MEF2C: variants seen among roughly 807,000 people sequenced by gnomAD.
MEF2C encodes myocyte-specific enhancer factor 2C.
A neutral mutation model predicts 50.5 loss-of-function variants in MEF2C; 6 were observed. That is an observed-to-expected ratio of 0.12 (90% CI 0.07 to 0.23). The LOEUF (loss-of-function observed/expected upper bound fraction) is 0.23, where lower values mean the gene tolerates loss of function less well. Among genes scored for constraint, MEF2C ranks in the 10% least tolerant of loss-of-function variants. The probability of loss-of-function intolerance (pLI) is 1.00; values close to 1 mark genes in which losing one functional copy is unlikely to be tolerated. For missense variants in MEF2C, 276 were observed against 605.0 expected (o/e 0.46, Z 5.70); for synonymous variants, 183 against 228.0 (o/e 0.80, Z 1.78).
intron 3 of MEF2C, among the ~76,000 whole-genome samples, chr5:88,778,857 G>T (rs750877488): frequency 6.6e-5 from 10 of 152,232 alleles, no homozygotes; most frequent in Non-Finnish European, 1.5e-4. Context: ...CTTGGGTTTT[G>T]CATCTTGCCA....
chr5:88,785,276 GCATACACACACACA>G (rs1187598498), intron 3 of MEF2C: 2 of 82,086 alleles, frequency 2.4e-5, no homozygotes, highest in African/African-American at 7.9e-5. Context: ...TGCAAAACTG[GCATACACACACACA>G]CACACACACA....
At chr5:88,745,829 C>T (rs1290930588) in intron 6 of MEF2C, among the ~76,000 whole-genome samples, 1 of 152,170 alleles carries the variant, frequency 6.6e-6, no homozygotes, top group African/African-American at 2.4e-5. Flanking sequence ...CACACACATA[C>T]AAACACACAG....
At chr5:88,792,119 T>C (rs1794056958) in intron 3 of MEF2C, among the ~76,000 whole-genome samples, 2 of 152,160 alleles carry the variant, frequency 1.3e-5, no homozygotes, top group African/African-American at 4.8e-5. Flanking sequence ...TGAAAAATAC[T>C]TTTCTGGAGA....
chr5:88,727,828 A>G (rs143790677), intron 10 of MEF2C, among the ~76,000 whole-genome samples: 82 of 152,198 alleles, frequency 5.4e-4, no homozygotes, highest in African/African-American at 1.9e-3. Flanking sequence ...AGAGCTTTTT[A>G]AAGGTTTGAA....
chr5:88,795,821 C>G (rs1278860993), intron 3 of MEF2C, among the ~76,000 whole-genome samples: 1 of 152,144 alleles, frequency 6.6e-6, no homozygotes, highest in African/African-American at 2.4e-5. Flanking sequence ...TCCATCAATA[C>G]CTAGTTTATT....
intron 6 of MEF2C, chr5:88,740,023 T>C (rs1765848099): frequency 1.0e-6 from 1 of 985,336 alleles, no homozygotes; most frequent in African/African-American, 1.7e-5. Context: ...GTGCATTTTG[T>C]GGTATATTCT....
intron 3 of MEF2C, among the ~76,000 whole-genome samples, chr5:88,782,804 T>G (rs908717078): frequency 1.3e-5 from 2 of 152,256 alleles, no homozygotes; most frequent in Non-Finnish European, 2.9e-5. Context: ...GTCATTATGC[T>G]AATTTACTGC....
At chr5:88,852,826 A>C (rs549716020) in intron 1 of MEF2C, among the ~76,000 whole-genome samples, 25 of 152,300 alleles carry the variant, frequency 1.6e-4, no homozygotes, top group African/African-American at 6.0e-4. Context: ...GAGGCAGGAG[A>C]ATCACTGGAA....
At chr5:88,840,371 C>G (rs1472163688) in intron 1 of MEF2C, among the ~76,000 whole-genome samples, 1 of 152,128 alleles carries the variant, frequency 6.6e-6, no homozygotes, top group Admixed American at 6.5e-5. Flanking sequence ...TCTTTCCTTA[C>G]GCTGGTTTTT....
Position 88,882,992 on chromosome 5 carries a change from T to C in MEF2C, c.-180A>G, listed in dbSNP as rs1833426949. 1 of 152,060 alleles carries C rather than the reference T, an allele frequency of 6.6e-6. No homozygotes were observed. Among genetic ancestry groups the C allele is most frequent in the Non-Finnish European group, 1.5e-5 (1 of 67,978 alleles). 9.4% of individuals were successfully genotyped at this position (152,060 alleles called of 1,614,324 possible). ...CCGATCAGATTAGTCCTTGGGATATTTTCCTTTCTTAAGAGAGAGAGAGAG... is the reference window on the plus strand; with the variant it reads ...CCGATCAGATTAGTCCTTGGGATATCTTCCTTTCTTAAGAGAGAGAGAGAG... On this transcript the variant is annotated 5_prime_UTR_variant, in exon 1 of 11. Transcript: ENST00000504921.
intron 1 of MEF2C, among the ~76,000 whole-genome samples, chr5:88,891,276 TA>T (rs1217729161): frequency 6.6e-6 from 1 of 151,928 alleles, no homozygotes; most frequent in East Asian, 1.9e-4. Flanking sequence ...AGGTGTCACC[TA>T]AAGTGAAAAT....
Position 88,730,215 on chromosome 5 carries a change from A to C in MEF2C, c.830T>G (p.Leu277Arg). 1 of 1,583,620 alleles carries C rather than the reference A, an allele frequency of 6.3e-7. No individual in the cohort carries two copies. Among genetic ancestry groups the C allele is most frequent in the Non-Finnish European group, 8.6e-7 (1 of 1,163,650 alleles). The stretch of plus-strand genomic sequence containing the variant: ...GGAAGCGCTCTCACCACTTACCAAA[A>C]GCAGGTCGACATCCTCAGACTGAGA... ...MPSVSEDVDLLLNQRINNSQS... is the reference protein window; with the variant it reads ...MPSVSEDVDLRLNQRINNSQS... Residue 277 changes from leucine to arginine, a missense_variant, in exon 8 of 11, where the codon CTT becomes CGT. Leu to Arg is a moderately radical substitution (Grantham distance 102, BLOSUM62 -2). Coordinates refer to ENST00000504921, the MANE Select transcript of MEF2C (RefSeq NM_002397.5).
At chr5:88,892,317 G>A (rs1327928973) in intron 1 of MEF2C, 2 of 152,092 alleles carry the variant, frequency 1.3e-5, no homozygotes, top group African/African-American at 4.8e-5. Flanking sequence ...ATCTCCCTTT[G>A]CCTCAGTTTC....
At chr5:88,773,296 G>C (rs577934229) in intron 3 of MEF2C, among the ~76,000 whole-genome samples, 1 of 151,810 alleles carries the variant, frequency 6.6e-6, no homozygotes, top group Admixed American at 6.6e-5. Context: ...AAAACACATA[G>C]AGGGCACTTA....
intron 1 of MEF2C, chr5:88,844,634 TCTAA>T: frequency 1.3e-6 from 1 of 771,340 alleles, no homozygotes; most frequent in African/African-American, 1.9e-5. Context: ...ACTAAGTAAA[TCTAA>T]CTTTTTCTCT....
intron 6 of MEF2C, chr5:88,741,542 T>C (rs1766787428): frequency 2.2e-5 from 22 of 985,416 alleles, no homozygotes; most frequent in Non-Finnish European, 2.5e-5. Context: ...TTTCACTGAG[T>C]TGCTTAATAT....
At chr5:88,861,048 GA>G (rs1383178804) in intron 1 of MEF2C, among the ~76,000 whole-genome samples, 5 of 151,864 alleles carry the variant, frequency 3.3e-5, no homozygotes, top group African/African-American at 1.2e-4. Context: ...TCTCACAGAT[GA>G]AAAAAAGCAG....
intron 1 of MEF2C, among the ~76,000 whole-genome samples, chr5:88,857,337 G>C (rs948433005): frequency 7.2e-5 from 11 of 152,124 alleles, no homozygotes; most frequent in South Asian, 6.2e-4. Context: ...GATTTTGATA[G>C]GTGGAACTAA....
chr5:88,749,461 A>C (rs1771556555), intron 5 of MEF2C: 2 of 984,956 alleles, frequency 2.0e-6, no homozygotes. Flanking sequence ...CTATATGCTC[A>C]GATGACCTCA....
Sources: allele counts gnomAD v4.1 joint callset (sites outside exome capture counted in the v4.1 genomes callset), GRCh38; gene constraint gnomAD v4.1.1; transcripts MANE v1.5; gene names NCBI Gene and HGNC (gene_info 2026-07-23, HGNC 2026-07-21).